The following FAM76A variants were observed in gnomAD, a reference collection of about 807,000 sequenced individuals.
FAM76A encodes the protein protein FAM76A.
FAM76A carries 32 observed loss-of-function variants against 46.2 expected under a neutral mutation model. That is an observed-to-expected ratio of 0.69 (90% CI 0.52 to 0.93). The LOEUF (loss-of-function observed/expected upper bound fraction) is 0.93, where lower values mean the gene tolerates loss of function less well. FAM76A is among the 40% of genes least tolerant of loss of function. The pLI is 0.00. For missense variants in FAM76A, 274 were observed against 361.5 expected (o/e 0.76, Z 1.96); for synonymous variants, 137 against 127.0 (o/e 1.08, Z -0.53).
In FAM76A at chr1:27,747,423, G is replaced by C. The variant is rs567718293; in HGVS notation, c.513-1645G>C. On this transcript the variant is annotated intron_variant, in intron 5 of 8. Coordinates refer to ENST00000373954, the MANE Select transcript of FAM76A (RefSeq NM_152660.3). Reference sequence around the variant, plus strand: ...TATCAGTGGTATCAAATGCTGAAGAGAGGTCAAGTAAGAAAAGGTCTGAGG... The same window carrying C: ...TATCAGTGGTATCAAATGCTGAAGACAGGTCAAGTAAGAAAAGGTCTGAGG... Among the ~76,000 whole-genome samples the C allele has an allele frequency of 4.6e-5, 7 of 152,336 alleles. No individual in the cohort carries two copies. The South Asian group carries it at 1.0e-3, about 23-fold the overall frequency.
chr1:27,738,476 CA>C (rs199565673), intron 4 of FAM76A, among the ~76,000 whole-genome samples: 10 of 145,042 alleles, frequency 6.9e-5, no homozygotes, highest in Admixed American at 6.9e-5. Flanking sequence ...GACTCTGTCT[CA>C]AAAAAAAAAT....
At chr1:27,751,950 C>T (rs1451968434) in intron 6 of FAM76A, among the ~76,000 whole-genome samples, 2 of 152,128 alleles carry the variant, frequency 1.3e-5, no homozygotes, top group Non-Finnish European at 2.9e-5. Flanking sequence ...ACTACAGGCA[C>T]ATGCCTCCAC....
intron 4 of FAM76A, among the ~76,000 whole-genome samples, 197 bp from the exon 5 acceptor site, chr1:27,744,457 T>C (rs2088207685): frequency 6.6e-6 from 1 of 152,174 alleles, no homozygotes; most frequent in Non-Finnish European, 1.5e-5. Context: ...GCAACTTTTA[T>C]GTGCCTGGCA....
chr1:27,732,553 CAG>C, intron 2 of FAM76A, 48 bp from the exon 3 acceptor site: 1 of 1,549,714 alleles, frequency 6.5e-7, no homozygotes, highest in Non-Finnish European at 8.9e-7. Context: ...AAGGAGGTAT[CAG>C]TTTTCAGATA....
At chr1:27,744,304 T>C (rs924540345) in intron 4 of FAM76A, among the ~76,000 whole-genome samples, 1 of 152,092 alleles carries the variant, frequency 6.6e-6, no homozygotes, top group Non-Finnish European at 1.5e-5. Context: ...AATTTTTGTA[T>C]TTTTAGTAGA....
At chr1:27,752,419 T>G (rs2088346109) in intron 6 of FAM76A, among the ~76,000 whole-genome samples, 1 of 152,176 alleles carries the variant, frequency 6.6e-6, no homozygotes, top group Non-Finnish European at 1.5e-5. Flanking sequence ...TTTAGGAAAA[T>G]ATAAGTTAAT....
At chr1:27,748,120 G>GTTTTTTTTTT (rs775627660) in intron 5 of FAM76A, among the ~76,000 whole-genome samples, 1 of 108,344 alleles carries the variant, frequency 9.2e-6, no homozygotes, top group Non-Finnish European at 1.8e-5. Context: ...TGTAAAAGAA[G>GTTTTTTTTTT]TTTTTTTTTT....
chr1:27,731,856 T>C (rs1481314705), intron 2 of FAM76A, among the ~76,000 whole-genome samples: 6 of 151,368 alleles, frequency 4.0e-5, no homozygotes, highest in African/African-American at 1.5e-4. Flanking sequence ...AGTTTTGCTT[T>C]TGTTGCCCAG....
intron 5 of FAM76A, among the ~76,000 whole-genome samples, chr1:27,747,493 T>C (rs1486063297): frequency 6.6e-5 from 10 of 152,204 alleles, no homozygotes; most frequent in Non-Finnish European, 8.8e-5. Flanking sequence ...AGTGAAAGGA[T>C]TGCATAGCAG....
At position 27,760,715 on chromosome 1, in the gene FAM76A, G is replaced by A. The variant is rs558097965; in HGVS notation, c.*134G>A. 3 of 564,878 alleles carry A rather than the reference G, an allele frequency of 5.3e-6. No individual in the cohort carries two copies. Among genetic ancestry groups the A allele is most frequent in the Admixed American group, 3.3e-5 (1 of 30,360 alleles). 35.0% of individuals were successfully genotyped at this position (564,878 alleles called of 1,614,324 possible). A position where few individuals can be genotyped will look rare whatever the true frequency, so the allele number is the denominator to read the frequency against. On this transcript the variant is annotated 3_prime_UTR_variant, in exon 9 of 9. Transcript: ENST00000373954. The stretch of plus-strand genomic sequence containing the variant: ...TTATTACAGTTATCCTTCTTTGTGC[G>A]ATTGCAGTGGGCTGAATGGAAACAC...
intron 2 of FAM76A, among the ~76,000 whole-genome samples, chr1:27,731,367 C>T (rs2087955250): frequency 6.6e-6 from 1 of 151,990 alleles, no homozygotes; most frequent in Non-Finnish European, 1.5e-5. Context: ...CCACGCCTGG[C>T]TAATTTTTTT....
intron 4 of FAM76A, among the ~76,000 whole-genome samples, chr1:27,737,169 G>A (rs1033296736): frequency 6.6e-6 from 1 of 151,790 alleles, no homozygotes; most frequent in African/African-American, 2.4e-5. Flanking sequence ...GGCTGCTCTC[G>A]AATTGCTGAT....
At position 27,748,941 on chromosome 1, in the gene FAM76A, C is replaced by T; in HGVS notation, c.513-127C>T. 8.6e-6 allele frequency: 5 copies of T among 578,506 alleles called. No individual in the cohort carries two copies. The South Asian group carries it at 1.4e-4, about 16-fold the overall frequency. The allele number at this position is 578,506 out of a possible 1,614,324, so 35.8% of individuals were successfully genotyped here. On this transcript the variant is annotated intron_variant, in intron 5 of 8. Transcript: ENST00000373954. ...TCACCTTGGTAGATTCTTTATTAAT[C>T]AAGAATTATTAGCTCTTGCATAGAA...
At chr1:27,759,916 T>C (rs1231064430) in intron 8 of FAM76A, 1 of 505,918 alleles carries the variant, frequency 2.0e-6, no homozygotes. Context: ...CACAGCCATA[T>C]ACCACCATAC....
intron 4 of FAM76A, among the ~76,000 whole-genome samples, chr1:27,741,609 G>A (rs1051782899): frequency 3.9e-5 from 6 of 151,986 alleles, no homozygotes; most frequent in African/African-American, 7.2e-5. Context: ...GCCAGGCAAC[G>A]GTGGCTTACA....
chr1:27,732,944 T>G (rs1159988047), intron 3 of FAM76A, among the ~76,000 whole-genome samples: 1 of 151,902 alleles, frequency 6.6e-6, no homozygotes, highest in Non-Finnish European at 1.5e-5. Flanking sequence ...GTTTTTGTTT[T>G]TTTTTTTTTG....
chr1:27,753,805 G>A (rs1205331513), intron 6 of FAM76A, among the ~76,000 whole-genome samples: 1 of 152,152 alleles, frequency 6.6e-6, no homozygotes, highest in Non-Finnish European at 1.5e-5. Flanking sequence ...ACAGTGAGTC[G>A]TTACTATATA....
chr1:27,728,292 A>T (rs1369291775), intron 2 of FAM76A, among the ~76,000 whole-genome samples: 2 of 152,206 alleles, frequency 1.3e-5, no homozygotes, highest in East Asian at 3.8e-4. Flanking sequence ...GACAATCCTG[A>T]TAAGAGTTTG....
chr1:27,732,345 G>T (rs892197773), intron 2 of FAM76A, among the ~76,000 whole-genome samples: 1 of 152,108 alleles, frequency 6.6e-6, no homozygotes, highest in South Asian at 2.1e-4. Context: ...CATGAGAATC[G>T]CTTGAACTTG....
Sources: allele counts gnomAD v4.1 joint callset (sites outside exome capture counted in the v4.1 genomes callset), GRCh38; gene constraint gnomAD v4.1.1; transcripts MANE v1.5; gene names NCBI Gene and HGNC (gene_info 2026-07-23, HGNC 2026-07-21).